Variants in CFAP95 observed in about 807,000 individuals in gnomAD.
CFAP95 encodes cilia- and flagella-associated protein 95.
At chr9:69,897,714 A>G in the CFAP95 span, among the ~76,000 whole-genome samples, 1 of 152,146 alleles carries the variant, frequency 6.6e-6, no homozygotes, top group Non-Finnish European at 1.5e-5. Context: ...TAGAGTAAGG[A>G]TAGAGCATAC....
the CFAP95 span, among the ~76,000 whole-genome samples, chr9:69,830,302 TG>T: frequency 6.6e-6 from 1 of 152,188 alleles, no homozygotes; most frequent in Admixed American, 6.5e-5. Flanking sequence ...AATGGAAATA[TG>T]GTAGCTCTCC....
chr9:69,860,594 T>C, the CFAP95 span, among the ~76,000 whole-genome samples: 1 of 126,890 alleles, frequency 7.9e-6, no homozygotes, highest in African/African-American at 3.0e-5. Context: ...TTTTTTACTT[T>C]ATACCTTTTC....
chr9:69,851,339 T>C, the CFAP95 span, among the ~76,000 whole-genome samples: 2 of 152,250 alleles, frequency 1.3e-5, no homozygotes, highest in East Asian at 3.9e-4. Context: ...CTTCCTTAGG[T>C]TTTATGGTCA....
chr9:69,905,509 T>A, the CFAP95 span, among the ~76,000 whole-genome samples: 189 of 152,322 alleles, frequency 1.2e-3, 5 homozygotes, highest in East Asian at 0.032. Context: ...GAGCTTGGCA[T>A]TTACCAGTGT....
At chr9:69,891,001 A>T in the CFAP95 span, among the ~76,000 whole-genome samples, 8 of 152,148 alleles carry the variant, frequency 5.3e-5, no homozygotes, top group Non-Finnish European at 1.0e-4. Flanking sequence ...GCTCATCTCA[A>T]TTTCAATTAA....
chr9:69,852,279 T>C, the CFAP95 span, among the ~76,000 whole-genome samples: 72 of 152,280 alleles, frequency 4.7e-4, 1 homozygote, highest in East Asian at 8.3e-3. Context: ...AGATAATAGA[T>C]GCCAGCTCCT....
At chr9:69,843,631 C>CTTCTTCGTCTTCTTCTTCT in the CFAP95 span, among the ~76,000 whole-genome samples, 5 of 44,560 alleles carry the variant, frequency 1.1e-4, 2 homozygotes, top group East Asian at 2.0e-3. Flanking sequence ...CTTCTTCTTC[C>CTTCTTCGTCTTCTTCTTCT]TCCTCCTCCT....
the CFAP95 span, among the ~76,000 whole-genome samples, chr9:69,830,667 A>G: frequency 3.3e-5 from 5 of 152,182 alleles, no homozygotes; most frequent in East Asian, 9.6e-4. Flanking sequence ...ACTTTTTTAA[A>G]GAAAGGGTTT....
chr9:69,902,901 G>A, the CFAP95 span, among the ~76,000 whole-genome samples: 17 of 151,794 alleles, frequency 1.1e-4, no homozygotes, highest in South Asian at 2.1e-4. Flanking sequence ...TTTCATATAC[G>A]CCCTGCTCCC....
At chr9:69,843,543 CTCCTCCTCCTCCTCCT>C in the CFAP95 span, among the ~76,000 whole-genome samples, 3 of 32,366 alleles carry the variant, frequency 9.3e-5, 1 homozygote, top group Admixed American at 1.1e-3. Flanking sequence ...CCTCCTCCTC[CTCCTCCTCCTCCTCCT>C]TCTTCTTCTT....
the CFAP95 span, among the ~76,000 whole-genome samples, chr9:69,846,688 C>G: frequency 6.6e-6 from 1 of 152,172 alleles, no homozygotes; most frequent in Non-Finnish European, 1.5e-5. Context: ...CGCCAAGCCC[C>G]CACACCTTCA....
At chr9:69,875,844 G>A in the CFAP95 span, among the ~76,000 whole-genome samples, 1 of 152,214 alleles carries the variant, frequency 6.6e-6, no homozygotes, top group East Asian at 1.9e-4. Flanking sequence ...GGTTTATCAT[G>A]ATTTATATGG....
At chr9:69,831,807 C>T in the CFAP95 span, among the ~76,000 whole-genome samples, 10 of 152,016 alleles carry the variant, frequency 6.6e-5, no homozygotes, top group Admixed American at 3.9e-4. Context: ...TTTGGAAATA[C>T]GTGTGGGCAT....
chr9:69,904,216 C>A, the CFAP95 span, among the ~76,000 whole-genome samples: 1 of 152,180 alleles, frequency 6.6e-6, no homozygotes, highest in Admixed American at 6.5e-5. Context: ...CCATTCCTTC[C>A]CATCATCCCA....
chr9:69,826,886 C>G, the CFAP95 span, among the ~76,000 whole-genome samples: 1 of 152,050 alleles, frequency 6.6e-6, no homozygotes, highest in African/African-American at 2.4e-5. Context: ...GGCTGGGGCC[C>G]TATATTTATA....
the CFAP95 span, chr9:69,902,135 T>C: frequency 3.1e-6 from 1 of 320,270 alleles, no homozygotes; most frequent in Middle Eastern, 4.0e-4. Context: ...ACATTCACTA[T>C]TCAGGTCAAA....
chr9:69,864,435 G>A, the CFAP95 span, among the ~76,000 whole-genome samples: 3 of 152,054 alleles, frequency 2.0e-5, no homozygotes, highest in African/African-American at 4.8e-5. Context: ...AACCTGCTAC[G>A]TGACTGTGTG....
At chr9:69,894,496 CTT>C in the CFAP95 span, among the ~76,000 whole-genome samples, 1 of 152,162 alleles carries the variant, frequency 6.6e-6, no homozygotes, top group African/African-American at 2.4e-5. Context: ...TGAAGTAACA[CTT>C]ATTGTCTACC....
the CFAP95 span, among the ~76,000 whole-genome samples, chr9:69,880,840 A>T: frequency 1.3e-5 from 2 of 152,132 alleles, no homozygotes; most frequent in Admixed American, 1.3e-4. Context: ...TGTCTTGTGG[A>T]TATAAGCCAT....
Sources: gnomAD v4.1 joint callset for allele counts (sites outside exome capture counted in the v4.1 genomes callset) on GRCh38, gnomAD v4.1.1 for gene constraint, MANE v1.5 for transcripts, NCBI Gene and HGNC (gene_info 2026-07-23, HGNC 2026-07-21) for gene names.